The following RYR2 variants were observed in gnomAD, a reference collection of about 807,000 sequenced individuals.
RYR2 encodes the protein cardiac muscle ryanodine receptor-calcium release channel.
A neutral mutation model predicts 601.1 loss-of-function variants in RYR2; 227 were observed. The observed-to-expected ratio is 0.38, with a 90% CI of 0.34 to 0.42. RYR2 has a LOEUF of 0.42. Ranked by LOEUF, RYR2 falls within the 10% of genes least tolerant of loss-of-function variation. The pLI, the probability that RYR2 is intolerant of heterozygous loss-of-function variation, is 1.00. For missense variants in RYR2, 4,646 were observed against 6,156.5 expected (o/e 0.75, Z 8.21); for synonymous variants, 2,223 against 2,175.1 (o/e 1.02, Z -0.61).
At chr1:237,657,176 A>G (rs1224599912) in intron 53 of RYR2, among the ~76,000 whole-genome samples, 1 of 152,090 alleles carries the variant, frequency 6.6e-6, no homozygotes, top group Non-Finnish European at 1.5e-5. Context: ...GACGATTACG[A>G]TTTTTTATAT....
At chr1:237,442,480 C>T (rs1406970183) in intron 13 of RYR2, among the ~76,000 whole-genome samples, 2 of 152,188 alleles carry the variant, frequency 1.3e-5, no homozygotes, top group Admixed American at 1.3e-4. Flanking sequence ...TGCAGTCAGA[C>T]ATCCACAGTA....
chr1:237,732,789 A>G (rs1690804140), intron 78 of RYR2, among the ~76,000 whole-genome samples: 1 of 152,206 alleles, frequency 6.6e-6, no homozygotes, highest in Admixed American at 6.5e-5. Flanking sequence ...GGCTGTGCAG[A>G]TGGGACATAG....
chr1:237,595,390 G>A, intron 33 of RYR2, 108 bp from the exon 34 acceptor site: 2 of 1,312,782 alleles, frequency 1.5e-6, no homozygotes, highest in East Asian at 2.5e-5. Flanking sequence ...TCCCATTACA[G>A]CATGAGCTTG....
chr1:237,632,676 G>A (rs1030270925), intron 42 of RYR2, among the ~76,000 whole-genome samples: 3 of 151,944 alleles, frequency 2.0e-5, no homozygotes, highest in Non-Finnish European at 2.9e-5. Flanking sequence ...GATTACAGGC[G>A]TGAGCCACCA....
Position 237,297,143 on chromosome 1 carries a change from T to A in RYR2, c.168+26527T>A, listed in dbSNP as rs192086779. On this transcript the variant is annotated intron_variant, in intron 2 of 104. Coordinates refer to ENST00000366574, the MANE Select transcript of RYR2 (RefSeq NM_001035.3). The stretch of plus-strand genomic sequence containing the variant: ...CAAAAAAGCAAACGATAAAAGTACA[T>A]ATATAATTATTGTCATATTTCTTAT... Among the ~76,000 whole-genome samples the A allele has an allele frequency of 4.1e-3, 628 of 152,234 alleles. 5 individuals carry two copies. Among genetic ancestry groups the A allele is most frequent in the African/African-American group, 0.014 (599 of 41,530 alleles).
At chr1:237,488,041 T>G (rs1421532438) in intron 17 of RYR2, among the ~76,000 whole-genome samples, 5 of 152,140 alleles carry the variant, frequency 3.3e-5, no homozygotes, top group Non-Finnish European at 1.5e-5. Context: ...TTTTGCACTT[T>G]GTGACATACG....
intron 12 of RYR2, among the ~76,000 whole-genome samples, chr1:237,435,020 C>T (rs1246485419): frequency 6.6e-6 from 1 of 152,166 alleles, no homozygotes; most frequent in Non-Finnish European, 1.5e-5. Context: ...AAGTGATCTG[C>T]CTGCCTCGGC....
rs544255252 is a variant in RYR2, at chr1:237,293,070, A to G, written c.168+22454A>G. On this transcript the variant is annotated intron_variant, in intron 2 of 104. Transcript: ENST00000366574. ...CAGATATGTGGGGGCTTATCTCCACACACCAAGCAATTCTCCAGCAATACT... is the reference window on the plus strand; with the variant it reads ...CAGATATGTGGGGGCTTATCTCCACGCACCAAGCAATTCTCCAGCAATACT... 8.5e-4 allele frequency among the ~76,000 whole-genome samples: 130 copies of G among 152,240 alleles called. 1 individual carries two copies. Among genetic ancestry groups the G allele is most frequent in the South Asian group, 3.1e-3 (15 of 4,826 alleles).
intron 10 of RYR2, among the ~76,000 whole-genome samples, chr1:237,412,399 A>G (rs1234629669): frequency 1.3e-5 from 2 of 152,294 alleles, no homozygotes; most frequent in Non-Finnish European, 2.9e-5. Flanking sequence ...CATAACTTAC[A>G]GCCTTAAGTC....
chr1:237,620,879 A>G (rs950572901), intron 38 of RYR2, among the ~76,000 whole-genome samples: 1 of 152,158 alleles, frequency 6.6e-6, no homozygotes, highest in Middle Eastern at 3.2e-3. Context: ...CAGAAAAATC[A>G]GCTATGACAC....
intron 84 of RYR2, among the ~76,000 whole-genome samples, chr1:237,769,867 A>G (rs1694140198): frequency 6.6e-6 from 1 of 151,592 alleles, no homozygotes; most frequent in African/African-American, 2.4e-5. Context: ...CCCCCCACGG[A>G]CACTTTCTGT....
In RYR2 at chr1:237,566,647, G is replaced by A. The variant is rs767849564; in HGVS notation, c.3295G>A (p.Gly1099Arg). The A allele has an allele frequency of 2.0e-5, 32 of 1,613,830 alleles. No homozygotes were observed. Among genetic ancestry groups the A allele is most frequent in the Admixed American group, 1.3e-4 (8 of 59,988 alleles). The change falls in exon 28 of 105, where the codon GGA (glycine) becomes AGA (arginine). Residue 1099 changes from glycine (G) to arginine (R), a missense_variant. This residue lies in a region of RYR2 where 1,807 missense variants were observed against 2,088.1 expected (regional missense o/e 0.87). Transcript: ENST00000366574. ...CGAGAAGACCTATGCAGTGAAGGCC[G>A]GACGGTGGTATTTTGAATTTGAGAC... ...RAEKTYAVKA[G>R]RWYFEFETVT...
intron 1 of RYR2, among the ~76,000 whole-genome samples, chr1:237,236,771 C>G (rs539826384): frequency 6.6e-6 from 1 of 152,044 alleles, no homozygotes; most frequent in African/African-American, 2.4e-5. Flanking sequence ...GGATGGCGTG[C>G]TTTGAGATAT....
intron 27 of RYR2, 29 bp from the exon 28 acceptor site, chr1:237,566,537 GA>G: frequency 6.2e-7 from 1 of 1,600,932 alleles, no homozygotes; most frequent in Non-Finnish European, 8.5e-7. Flanking sequence ...CCCATCCAAT[GA>G]CCACCAGAAA....
intron 29 of RYR2, among the ~76,000 whole-genome samples, chr1:237,587,487 TA>T (rs750756670): frequency 2.6e-5 from 4 of 152,116 alleles, no homozygotes; most frequent in Admixed American, 6.6e-5. Flanking sequence ...AGCTTTTAAA[TA>T]AAAACCCTGC....
chr1:237,671,522 T>TGC lies in RYR2; in HGVS notation c.8591-2573_8591-2572insCG, dbSNP rs761887889. Among the ~76,000 whole-genome samples, 931 of 143,832 alleles carry TGC rather than the reference T, an allele frequency of 6.5e-3. 10 individuals are homozygous for TGC. Among genetic ancestry groups the TGC allele is most frequent in the African/African-American group, 0.023 (885 of 38,706 alleles). The allele number at this position is 143,832 out of a possible 152,430, so 94.4% of individuals were successfully genotyped here. A position where few individuals can be genotyped will look rare whatever the true frequency, so the allele number is the denominator to read the frequency against. On this transcript the variant is annotated intron_variant, in intron 58 of 104. Transcript: ENST00000366574. Reference sequence around the variant, plus strand: ...GCCTGGGTGTGTGTGTGTGTGTGCGTGTGTGTGTGTGTGTGTGCGTGTGAG... The same window carrying TGC: ...GCCTGGGTGTGTGTGTGTGTGTGCGTGCGTGTGTGTGTGTGTGTGCGTGTGAG...
At chr1:237,756,144 C>G in intron 80 of RYR2, 144 bp from the exon 81 acceptor site, 1 of 537,040 alleles carries the variant, frequency 1.9e-6, no homozygotes, top group Non-Finnish European at 3.3e-6. Flanking sequence ...TTAATAATAT[C>G]TGTTGAAGAA....
At chr1:237,805,702 G>T (rs1226649054) in intron 98 of RYR2, among the ~76,000 whole-genome samples, 1 of 60,026 alleles carries the variant, frequency 1.7e-5, no homozygotes. Flanking sequence ...TATTCATGGG[G>T]TACCTAGTGA....
At chr1:237,688,173 C>A (rs1686605089) in intron 63 of RYR2, among the ~76,000 whole-genome samples, 1 of 152,196 alleles carries the variant, frequency 6.6e-6, no homozygotes, top group Non-Finnish European at 1.5e-5. Context: ...TCTTTAGTGG[C>A]TGGTGGAATT....
Sources: gnomAD v4.1 joint callset for allele counts (sites outside exome capture counted in the v4.1 genomes callset) on GRCh38, gnomAD v4.1.1 for gene constraint, gnomAD v4.1.1 regional missense constraint, MANE v1.5 for transcripts, NCBI Gene and HGNC (gene_info 2026-07-23, HGNC 2026-07-21) for gene names.